The following P2RY8 variants were observed in gnomAD, a reference collection of about 807,000 sequenced individuals.
The protein encoded by P2RY8 is P2Y receptor family member 8.
P2RY8 carries 6 observed loss-of-function variants against 10.0 expected under a neutral mutation model. The observed-to-expected ratio is 0.60, with a 90% CI of 0.33 to 1.19. The LOEUF is 1.19. P2RY8 is among the 50% of genes most tolerant of loss of function. P2RY8 has a pLI of 0.04. For missense variants in P2RY8, 456 were observed against 542.0 expected (o/e 0.84, Z 1.58); for synonymous variants, 276 against 252.5 (o/e 1.09, Z -0.88).
chrX:1,479,590 C>A (rs1239358891), intron 1 of P2RY8, among the ~76,000 whole-genome samples: 5 of 152,184 alleles, frequency 3.3e-5, no homozygotes, highest in Admixed American at 1.3e-4. Flanking sequence ...AGAAATAAAT[C>A]ATAAATATTA....
rs756713432 is a variant in P2RY8, at chrX:1,514,346, T to C, written c.-25+22575A>G. Among the ~76,000 whole-genome samples the C allele has an allele frequency of 4.0e-3, 581 of 145,170 alleles. 12 individuals carry two copies. The highest frequency in any genetic ancestry group is 0.014 in the African/African-American group (559 of 38,980). On this transcript the variant is annotated intron_variant, in intron 1 of 1. Transcript: ENST00000381297. The stretch of plus-strand genomic sequence containing the variant: ...TTTCCATTTCTTTCCTTTCCTTCCC[T>C]TCCCTTTTATTTTCCTTTTCCTTTT...
intron 1 of P2RY8, among the ~76,000 whole-genome samples, chrX:1,501,077 T>C (rs141576906): frequency 6.4e-4 from 98 of 152,290 alleles, no homozygotes; most frequent in Middle Eastern, 3.4e-3. Flanking sequence ...ACAGGGCTGC[T>C]ATCCAGCCTT....
chrX:1,494,511 T>C (rs1243491330), intron 1 of P2RY8, among the ~76,000 whole-genome samples: 16 of 151,702 alleles, frequency 1.1e-4, no homozygotes. Flanking sequence ...TTTCTCCTAA[T>C]GCGGTATTTT....
intron 1 of P2RY8, among the ~76,000 whole-genome samples, chrX:1,509,195 C>CTATCTATCTATCTATCTCTAT (rs1475541397): frequency 7.9e-6 from 1 of 126,800 alleles, no homozygotes; most frequent in African/African-American, 2.8e-5. Context: ...ATCTATCCAT[C>CTATCTATCTATCTATCTCTAT]TATGTATCTA....
intron 1 of P2RY8, among the ~76,000 whole-genome samples, chrX:1,494,869 A>ATTTT (rs59572174): frequency 1.4e-5 from 2 of 143,892 alleles, no homozygotes; most frequent in African/African-American, 2.6e-5. Flanking sequence ...CACCTGGCTA[A>ATTTT]TTTTTTTTTT....
chrX:1,475,012 G>A (rs73623914), intron 1 of P2RY8, among the ~76,000 whole-genome samples: 2,775 of 149,368 alleles, frequency 0.019, 44 homozygotes, highest in African/African-American at 0.059. Flanking sequence ...ATGGATGTAT[G>A]AGGAATGGAT....
chrX:1,496,971 C>T (rs1231686662), intron 1 of P2RY8, among the ~76,000 whole-genome samples: 1 of 150,664 alleles, frequency 6.6e-6, no homozygotes, highest in Non-Finnish European at 1.5e-5. Flanking sequence ...GTAATCCCAG[C>T]ACTTTGGGAG....
At chrX:1,511,749 C>T (rs1944524564) in intron 1 of P2RY8, among the ~76,000 whole-genome samples, 1 of 152,216 alleles carries the variant, frequency 6.6e-6, no homozygotes, top group Admixed American at 6.5e-5. Flanking sequence ...CCTTCAACGG[C>T]ATGTCTACGG....
chrX:1,536,111 T>C (rs2092524324), intron 1 of P2RY8, among the ~76,000 whole-genome samples: 1 of 152,134 alleles, frequency 6.6e-6, no homozygotes, highest in African/African-American at 2.4e-5. Context: ...GAGTTATTTA[T>C]ATCCCACGGC....
chrX:1,500,792 G>A (rs1162604554), intron 1 of P2RY8, among the ~76,000 whole-genome samples: 1 of 152,062 alleles, frequency 6.6e-6, no homozygotes, highest in Non-Finnish European at 1.5e-5. Flanking sequence ...GCTCTGAGCC[G>A]CCGCCACCCC....
At chrX:1,536,111 T>G (rs2092524324) in intron 1 of P2RY8, among the ~76,000 whole-genome samples, 1 of 152,134 alleles carries the variant, frequency 6.6e-6, no homozygotes, top group African/African-American at 2.4e-5. Flanking sequence ...GAGTTATTTA[T>G]ATCCCACGGC....
At position 1,465,298 on chromosome X, in the gene P2RY8, C is replaced by G; in HGVS notation, c.*181G>C. On this transcript the variant is annotated 3_prime_UTR_variant, in exon 2 of 2. Coordinates refer to ENST00000381297, the MANE Select transcript of P2RY8 (RefSeq NM_178129.5). Reference sequence around the variant, plus strand: ...CCCTGAGTGAAGCCTGGAGACCCTTCCTCACCGGTGCCTCTGCAGTGCCTG... The same window carrying G: ...CCCTGAGTGAAGCCTGGAGACCCTTGCTCACCGGTGCCTCTGCAGTGCCTG... 1.0e-6 allele frequency: 1 copy of G among 1,000,840 alleles called. No homozygotes were observed. Among genetic ancestry groups the G allele is most frequent in the Non-Finnish European group, 1.4e-6 (1 of 703,576 alleles). The allele number at this position is 1,000,840 out of a possible 1,614,324, so 62.0% of individuals were successfully genotyped here.
intron 1 of P2RY8, among the ~76,000 whole-genome samples, chrX:1,484,290 G>C: frequency 6.6e-6 from 1 of 152,056 alleles, no homozygotes; most frequent in East Asian, 1.9e-4. Flanking sequence ...AGGTGAAAGG[G>C]TCCCAAGGTA....
chrX:1,502,592 G>C (rs180769023), intron 1 of P2RY8, among the ~76,000 whole-genome samples: 3 of 152,182 alleles, frequency 2.0e-5, no homozygotes, highest in Admixed American at 1.3e-4. Context: ...CTCCCATGCT[G>C]GGTTGGATGG....
chrX:1,513,957 TA>T (rs2092319441), intron 1 of P2RY8, among the ~76,000 whole-genome samples: 1 of 152,222 alleles, frequency 6.6e-6, no homozygotes, highest in South Asian at 2.1e-4. Flanking sequence ...CCCAAACCCT[TA>T]AATCACATCT....
intron 1 of P2RY8, among the ~76,000 whole-genome samples, chrX:1,520,197 A>G (rs1163425291): frequency 6.6e-6 from 1 of 151,140 alleles, no homozygotes; most frequent in Admixed American, 6.6e-5. Flanking sequence ...TTGGTCCCTA[A>G]TAATCTGTCT....
rs370994727 is a variant in P2RY8 at position 1,516,630 on chromosome X, C to A, written c.-25+20291G>T. ...GAGAGAGGCCTCAGGAGGAACCAGC[C>A]CTGCCTACACCTGGATCTCAGACCT... is the stretch of plus-strand genomic sequence containing the variant. On this transcript the variant is annotated intron_variant, in intron 1 of 1. Transcript: ENST00000381297. Among the ~76,000 whole-genome samples the A allele has an allele frequency of 4.0e-3, 601 of 151,908 alleles. 1 individual carries two copies. Among genetic ancestry groups the A allele is most frequent in the African/African-American group, 0.013 (550 of 41,412 alleles).
At chrX:1,490,169 G>A (rs2092030025) in intron 1 of P2RY8, among the ~76,000 whole-genome samples, 1 of 144,744 alleles carries the variant, frequency 6.9e-6, no homozygotes, top group South Asian at 2.3e-4. Flanking sequence ...CCACAAATGT[G>A]GGGGGAATGA....
Position 1,463,044 on chromosome X carries a change from C to T in P2RY8, c.*2435G>A. 1 of 233,044 alleles carries T rather than the reference C, an allele frequency of 4.3e-6. No individual in the cohort carries two copies. Among genetic ancestry groups the T allele is most frequent in the African/African-American group, 2.2e-5 (1 of 45,414 alleles). 14.4% of individuals were successfully genotyped at this position (233,044 alleles called of 1,614,324 possible). A position where few individuals can be genotyped will look rare whatever the true frequency, so the allele number is the denominator to read the frequency against. On this transcript the variant is annotated 3_prime_UTR_variant, in exon 2 of 2. Transcript: ENST00000381297. ...TCCTTTGCTGGGGGACGTCAGGGTTCTCGCACGTTGTCGAGGAAGGATATT... is the reference window on the plus strand; with the variant it reads ...TCCTTTGCTGGGGGACGTCAGGGTTTTCGCACGTTGTCGAGGAAGGATATT...
Sources: allele counts gnomAD v4.1 joint callset (sites outside exome capture counted in the v4.1 genomes callset), GRCh38; gene constraint gnomAD v4.1.1; transcripts MANE v1.5; gene names NCBI Gene and HGNC (gene_info 2026-07-23, HGNC 2026-07-21).